CNTN5: variants seen among roughly 807,000 people sequenced by gnomAD.
CNTN5 encodes the protein contactin-5.
A neutral mutation model predicts 129.1 loss-of-function variants in CNTN5; 77 were observed. That is an observed-to-expected ratio of 0.60 (90% CI 0.50 to 0.72). CNTN5 has a LOEUF of 0.72. CNTN5 is among the 30% of genes least tolerant of loss of function. The pLI is 0.00. For missense variants in CNTN5, 1,478 were observed against 1,328.8 expected (o/e 1.11, Z -1.75); for synonymous variants, 509 against 465.6 (o/e 1.09, Z -1.20).
At chr11:100,238,185 G>T (rs1949659746) in intron 16 of CNTN5, among the ~76,000 whole-genome samples, 1 of 152,052 alleles carries the variant, frequency 6.6e-6, no homozygotes, top group Non-Finnish European at 1.5e-5. Context: ...TTAGCACTGG[G>T]TTTAGTCTAT....
At chr11:99,647,133 A>G (rs1026308601) in intron 3 of CNTN5, among the ~76,000 whole-genome samples, 3 of 151,976 alleles carry the variant, frequency 2.0e-5, no homozygotes, top group African/African-American at 7.2e-5. Flanking sequence ...CATTTCCCCT[A>G]TGTTTTCTTC....
chr11:100,087,376 C>T (rs899131031), intron 13 of CNTN5, among the ~76,000 whole-genome samples: 5 of 151,642 alleles, frequency 3.3e-5, no homozygotes, highest in Non-Finnish European at 7.4e-5. Flanking sequence ...GGTGTAAATG[C>T]TTTCAGTAGA....
At chr11:99,905,071 A>G (rs878983006) in intron 6 of CNTN5, among the ~76,000 whole-genome samples, 1 of 151,920 alleles carries the variant, frequency 6.6e-6, no homozygotes, top group Non-Finnish European at 1.5e-5. Flanking sequence ...GATTGCAAAA[A>G]TATCCCTTTC....
chr11:99,266,682 T>C (rs1035286126), intron 1 of CNTN5, among the ~76,000 whole-genome samples: 2 of 152,092 alleles, frequency 1.3e-5, no homozygotes, highest in Admixed American at 1.3e-4. Context: ...TAGCATAATG[T>C]ATTACTGTGA....
intron 1 of CNTN5, among the ~76,000 whole-genome samples, chr11:99,144,097 A>G (rs1192517424): frequency 6.6e-6 from 1 of 152,202 alleles, no homozygotes; most frequent in Non-Finnish European, 1.5e-5. Flanking sequence ...TAAATTTTAC[A>G]TATGAAATAC....
chr11:100,159,972 A>G (rs1947388687), intron 13 of CNTN5, among the ~76,000 whole-genome samples: 1 of 151,864 alleles, frequency 6.6e-6, no homozygotes, highest in South Asian at 2.1e-4. Context: ...ATACATAGGC[A>G]GAACGTGCAG....
At chr11:99,310,257 A>G (rs1206462469) in intron 1 of CNTN5, among the ~76,000 whole-genome samples, 1 of 152,192 alleles carries the variant, frequency 6.6e-6, no homozygotes, top group Non-Finnish European at 1.5e-5. Context: ...GTAATTTTAA[A>G]GAAATTTGGA....
intron 2 of CNTN5, among the ~76,000 whole-genome samples, chr11:99,516,098 T>C (rs1313207969): frequency 6.6e-6 from 1 of 150,788 alleles, no homozygotes; most frequent in African/African-American, 2.4e-5. Context: ...CTATATGCAA[T>C]ACCATAAGTA....
intron 1 of CNTN5, among the ~76,000 whole-genome samples, chr11:99,316,337 G>A (rs568550296): frequency 3.9e-5 from 6 of 152,206 alleles, no homozygotes; most frequent in South Asian, 4.1e-4. Context: ...CAGTGATAGC[G>A]TTGTACCAAT....
At position 99,309,008 on chromosome 11, in the gene CNTN5, C is replaced by A. The variant is rs1453556327; in HGVS notation, c.-209-16338C>A. On this transcript the variant is annotated intron_variant, in intron 1 of 24. Coordinates refer to ENST00000524871, the MANE Select transcript of CNTN5 (RefSeq NM_014361.4). ...CATTTGATTTTGTATATATTGTATTCTCTGTAAAAATATTTCATCATCTAC... is the reference window on the plus strand; with the variant it reads ...CATTTGATTTTGTATATATTGTATTATCTGTAAAAATATTTCATCATCTAC... 2.0e-5 allele frequency among the ~76,000 whole-genome samples: 3 copies of A among 151,926 alleles called. No homozygotes were observed. In the South Asian group the frequency reaches 6.2e-4, roughly 31 times the overall value.
At chr11:99,222,633 A>C (rs755404456) in intron 1 of CNTN5, among the ~76,000 whole-genome samples, 1 of 152,142 alleles carries the variant, frequency 6.6e-6, no homozygotes, top group Non-Finnish European at 1.5e-5. Flanking sequence ...ATACCAATTC[A>C]AAGTGAAACA....
At chr11:99,047,219 A>G (rs1370231480) in intron 1 of CNTN5, among the ~76,000 whole-genome samples, 1 of 151,922 alleles carries the variant, frequency 6.6e-6, no homozygotes, top group Non-Finnish European at 1.5e-5. Context: ...TAACAAAATC[A>G]ATAACAGCCA....
intron 3 of CNTN5, among the ~76,000 whole-genome samples, chr11:99,773,893 A>G (rs956640503): frequency 6.6e-6 from 1 of 152,090 alleles, no homozygotes; most frequent in African/African-American, 2.4e-5. Context: ...ATTACAAAAA[A>G]TAACAAACTA....
chr11:100,259,461 A>T (rs1286230178), intron 17 of CNTN5, among the ~76,000 whole-genome samples: 1 of 152,204 alleles, frequency 6.6e-6, no homozygotes, highest in Non-Finnish European at 1.5e-5. Context: ...AAACATCTAC[A>T]GAACTCTCCA....
At chr11:99,061,132 C>T (rs1864858762) in intron 1 of CNTN5, among the ~76,000 whole-genome samples, 1 of 152,142 alleles carries the variant, frequency 6.6e-6, no homozygotes, top group Non-Finnish European at 1.5e-5. Context: ...CATGATGCTT[C>T]TCTGAACAAC....
chr11:99,358,868 C>CAA (rs1938903174), intron 2 of CNTN5, among the ~76,000 whole-genome samples: 1 of 151,672 alleles, frequency 6.6e-6, no homozygotes, highest in African/African-American at 2.4e-5. Context: ...ATTATGTATG[C>CAA]AATGATTGAA....
At chr11:99,779,573 C>T (rs116980481) in intron 3 of CNTN5, among the ~76,000 whole-genome samples, 1 of 151,940 alleles carries the variant, frequency 6.6e-6, no homozygotes, top group East Asian at 2.0e-4. Flanking sequence ...TTCTGTGTGC[C>T]AAGTATTAGT....
intron 1 of CNTN5, among the ~76,000 whole-genome samples, chr11:99,139,630 A>G (rs1234222397): frequency 1.3e-5 from 2 of 152,198 alleles, no homozygotes. Flanking sequence ...TCTTATTTCA[A>G]TATGTATTTA....
At chr11:99,573,161 C>T (rs1189227088) in intron 3 of CNTN5, among the ~76,000 whole-genome samples, 3 of 150,070 alleles carry the variant, frequency 2.0e-5, no homozygotes, top group Non-Finnish European at 3.0e-5. Flanking sequence ...TTGGATTCCA[C>T]CCAAGGAGTG....
Sources: allele counts gnomAD v4.1 joint callset (sites outside exome capture counted in the v4.1 genomes callset), GRCh38; gene constraint gnomAD v4.1.1; transcripts MANE v1.5; gene names NCBI Gene and HGNC (gene_info 2026-07-23, HGNC 2026-07-21).